Variants in DAB2IP observed in about 807,000 individuals in gnomAD.
The protein encoded by DAB2IP is disabled homolog 2-interacting protein.
A neutral mutation model predicts 107.2 loss-of-function variants in DAB2IP; 28 were observed. That is an observed-to-expected ratio of 0.26 (90% CI 0.19 to 0.36). The LOEUF (loss-of-function observed/expected upper bound fraction) is 0.36, where lower values mean the gene tolerates loss of function less well. DAB2IP is among the 10% of genes least tolerant of loss of function. The pLI is 1.00. For synonymous variants in DAB2IP, 755 were observed against 706.4 expected (o/e 1.07, Z -1.09); for missense variants, 1,400 against 1,644.7 (o/e 0.85, Z 2.57).
At chr9:121,624,158 C>T (rs1831565022) in intron 1 of DAB2IP, among the ~76,000 whole-genome samples, 1 of 152,208 alleles carries the variant, frequency 6.6e-6, no homozygotes, top group Non-Finnish European at 1.5e-5. Flanking sequence ...TCAGGTGTCA[C>T]CTTCTCCATG....
chr9:121,747,915 T>C (rs1832830327), intron 3 of DAB2IP, among the ~76,000 whole-genome samples: 1 of 151,770 alleles, frequency 6.6e-6, no homozygotes, highest in African/African-American at 2.4e-5. Flanking sequence ...TGTTCCTGAA[T>C]GTTTTTTGAA....
Position 121,772,487 on chromosome 9 carries a change from G to A in DAB2IP, c.2079-120G>A, listed in dbSNP as rs572205849. 4.7e-4 allele frequency: 517 copies of A among 1,108,418 alleles called. 1 individual carries two copies. The African/African-American group carries it at 4.8e-3, about 10-fold the overall frequency. 68.7% of individuals were successfully genotyped at this position (1,108,418 alleles called of 1,614,324 possible). On this transcript the variant is annotated intron_variant, in intron 11 of 15. Coordinates refer to ENST00000408936, the Ensembl canonical transcript of DAB2IP. This position sits in a 1 kb window ranked among gnomAD's most constrained non-coding sequence, Gnocchi z 4.7. ...ACCCCAGCGCATCCATCTCCCCAGC[G>A]CTGGCTCAGGCTGCCAGGCCCCGGC...
chr9:121,740,249 G>A (rs752894878), intron 3 of DAB2IP, among the ~76,000 whole-genome samples: 49 of 152,166 alleles, frequency 3.2e-4, no homozygotes, highest in Admixed American at 5.2e-4. Context: ...TGATTCAGGA[G>A]CGCCGATAGG....
At chr9:121,759,120 G>A in intron 5 of DAB2IP, 124 bp downstream of exon 5, 1 of 900,664 alleles carries the variant, frequency 1.1e-6, no homozygotes, top group Non-Finnish European at 1.8e-6. Context: ...CATGGAGGCA[G>A]GGCCCGAGTG....
chr9:121,725,908 G>A (rs1202128422), intron 3 of DAB2IP, among the ~76,000 whole-genome samples: 1 of 152,208 alleles, frequency 6.6e-6, no homozygotes, highest in Non-Finnish European at 1.5e-5. Context: ...ATAGATCAGC[G>A]ATTTTAGAAG....
chr9:121,706,488 A>G (rs1224864566), intron 3 of DAB2IP, among the ~76,000 whole-genome samples: 1 of 152,046 alleles, frequency 6.6e-6, no homozygotes, highest in African/African-American at 2.4e-5. Context: ...CCTGTGGCCC[A>G]TGTGTGATGT....
intron 5 of DAB2IP, among the ~76,000 whole-genome samples, chr9:121,759,373 G>A (rs1356407267): frequency 5.3e-5 from 8 of 152,118 alleles, no homozygotes. Flanking sequence ...TCCCAGGCTG[G>A]TGCCCTCTGT....
chr9:121,601,635 T>C (rs1830685727), intron 1 of DAB2IP, among the ~76,000 whole-genome samples: 1 of 152,156 alleles, frequency 6.6e-6, no homozygotes, highest in South Asian at 2.1e-4. Flanking sequence ...TTATTGAGTG[T>C]TTATTATATG....
rs1025025339 is a variant in DAB2IP, at chr9:121,782,045, G to C, written c.3403-286G>C. On this transcript the variant is annotated intron_variant, in intron 15 of 15. Coordinates refer to ENST00000408936, the Ensembl canonical transcript of DAB2IP. This position sits in a 1 kb window ranked among gnomAD's most constrained non-coding sequence, Gnocchi z 6.1. ...GCACAGACCAGGAGCTGTGACCTCTGGTGTGTCATGCACACACATGTGAGC... is the reference window on the plus strand; with the variant it reads ...GCACAGACCAGGAGCTGTGACCTCTCGTGTGTCATGCACACACATGTGAGC... Among the ~76,000 whole-genome samples, 1 of 152,156 alleles carries C rather than the reference G, an allele frequency of 6.6e-6. No individual in the cohort carries two copies. The highest frequency in any genetic ancestry group is 1.5e-5 in the Non-Finnish European group (1 of 68,014).
chr9:121,726,129 T>C (rs1392767523), intron 3 of DAB2IP, among the ~76,000 whole-genome samples: 1 of 152,200 alleles, frequency 6.6e-6, no homozygotes, highest in African/African-American at 2.4e-5. Flanking sequence ...ATTAGAGGGT[T>C]AGAACTTTCA....
intron 1 of DAB2IP, among the ~76,000 whole-genome samples, chr9:121,625,305 T>C (rs1224864619): frequency 2.0e-5 from 3 of 150,240 alleles, no homozygotes; most frequent in East Asian, 3.9e-4. Context: ...AGTGGTGTGA[T>C]CTTGGCTCAC....
chr9:121,608,349 T>G (rs1830957071), intron 1 of DAB2IP, among the ~76,000 whole-genome samples: 1 of 152,100 alleles, frequency 6.6e-6, no homozygotes, highest in Non-Finnish European at 1.5e-5. Context: ...TGTTTTATAT[T>G]CTTAGGAGAA....
chr9:121,605,761 C>T (rs1208530873), intron 1 of DAB2IP, among the ~76,000 whole-genome samples: 1 of 152,176 alleles, frequency 6.6e-6, no homozygotes, highest in African/African-American at 2.4e-5. Context: ...CCACCTTGGC[C>T]TCCCAAAGTG....
rs189058727 is a variant in DAB2IP at position 121,584,938 on chromosome 9, A to G, written c.40+17710A>G. Among the ~76,000 whole-genome samples, 430 of 152,182 alleles carry G rather than the reference A, an allele frequency of 2.8e-3. 1 individual carries two copies. The highest frequency in any genetic ancestry group is 5.4e-3 in the Non-Finnish European group (367 of 68,004). ...AGGTGGGGTCTTTCTGCATTTCCCC[A>G]GCTGGAGTGCAGTAGCTATTCACAG... On this transcript the variant is annotated intron_variant, in intron 1 of 16. Transcript: ENST00000259371.
At position 121,633,211 on chromosome 9, in the gene DAB2IP, C is replaced by T. The variant is rs1051268051; in HGVS notation, c.41-45467C>T. 2.6e-5 allele frequency among the ~76,000 whole-genome samples: 4 copies of T among 152,210 alleles called. No individual in the cohort carries two copies. The highest frequency in any genetic ancestry group is 6.5e-5 in the Admixed American group (1 of 15,276). On this transcript the variant is annotated intron_variant, in intron 1 of 16. Transcript: ENST00000259371. This position sits in a 1 kb window ranked among gnomAD's most constrained non-coding sequence, Gnocchi z 5.1. ...TAGAGACCTCATCGGGAAGGTTTGA[C>T]ATGAACAATACAATAAACGCAGCTT...
At chr9:121,715,435 C>T (rs147638717) in intron 3 of DAB2IP, among the ~76,000 whole-genome samples, 2,590 of 151,240 alleles carry the variant, frequency 0.017, 45 homozygotes, top group Middle Eastern at 0.027. Flanking sequence ...TCACTGCAAG[C>T]TCCGCCTCCC....
At chr9:121,738,206 A>G (rs1832065641) in intron 3 of DAB2IP, among the ~76,000 whole-genome samples, 1 of 152,130 alleles carries the variant, frequency 6.6e-6, no homozygotes, top group South Asian at 2.1e-4. Context: ...CCTTGACCCT[A>G]GGCTGCAGGG....
chr9:121,605,911 C>T (rs1164236901), intron 1 of DAB2IP, among the ~76,000 whole-genome samples: 1 of 152,170 alleles, frequency 6.6e-6, no homozygotes, highest in Non-Finnish European at 1.5e-5. Flanking sequence ...CAGACATGAA[C>T]ATCGAGGAGT....
At chr9:121,743,149 C>G (rs1447506460) in intron 3 of DAB2IP, among the ~76,000 whole-genome samples, 1 of 152,180 alleles carries the variant, frequency 6.6e-6, no homozygotes. Context: ...GCACCCTCAG[C>G]TTCCTCATCT....
Sources: gnomAD v4.1 joint callset for allele counts (sites outside exome capture counted in the v4.1 genomes callset) on GRCh38, gnomAD v4.1.1 for gene constraint, Gnocchi (gnomAD v3.1) non-coding constraint, MANE v1.5 for transcripts, NCBI Gene and HGNC (gene_info 2026-07-23, HGNC 2026-07-21) for gene names.